The following PACRG variants were observed in gnomAD, a reference collection of about 807,000 sequenced individuals.
PACRG encodes the protein parkin coregulated, also known as parkin coregulated gene protein.
In PACRG, 29 loss-of-function variants were observed where a neutral mutation model predicts 29.7. The observed-to-expected ratio is 0.98, with a 90% CI of 0.73 to 1.33. The LOEUF (loss-of-function observed/expected upper bound fraction) is 1.33. Ranked by LOEUF, PACRG falls within the 40% of genes most tolerant of loss-of-function variation. PACRG has a pLI of 0.00. For synonymous variants in PACRG, 116 were observed against 118.7 expected (o/e 0.98, Z 0.15); for missense variants, 279 against 316.2 (o/e 0.88, Z 0.89).
chr6:163,203,228 C>T (rs573105668), intron 4 of PACRG, among the ~76,000 whole-genome samples: 17 of 152,186 alleles, frequency 1.1e-4, no homozygotes, highest in African/African-American at 3.6e-4. Flanking sequence ...GCCTGGCCAA[C>T]GTGGTGAAAC....
intron 2 of PACRG, among the ~76,000 whole-genome samples, chr6:162,908,556 C>A (rs1796088955): frequency 1.3e-5 from 2 of 152,244 alleles, no homozygotes; most frequent in Admixed American, 1.3e-4. Context: ...CCACATTCTA[C>A]AACCTCAGTA....
At chr6:162,997,231 G>A (rs1428159865) in intron 2 of PACRG, among the ~76,000 whole-genome samples, 2 of 151,980 alleles carry the variant, frequency 1.3e-5, no homozygotes, top group Non-Finnish European at 2.9e-5. Flanking sequence ...TCTACATAAG[G>A]CAAAAACCCT....
chr6:162,852,025 A>AAGGG (rs200176503), intron 2 of PACRG, among the ~76,000 whole-genome samples: 14,488 of 135,150 alleles, frequency 0.11, 920 homozygotes, highest in Middle Eastern at 0.17. Flanking sequence ...GGAAGGAAGG[A>AAGGG]AGGAAGGAAG....
intron 2 of PACRG, among the ~76,000 whole-genome samples, chr6:162,844,455 C>T (rs879224141): frequency 5.3e-5 from 8 of 152,222 alleles, no homozygotes; most frequent in South Asian, 2.1e-4. Flanking sequence ...TGCTTCGGCT[C>T]GCGCATGGTG....
intron 2 of PACRG, among the ~76,000 whole-genome samples, chr6:162,865,457 A>G (rs1316681480): frequency 6.6e-6 from 1 of 152,130 alleles, no homozygotes; most frequent in Non-Finnish European, 1.5e-5. Flanking sequence ...ACATTGAAAC[A>G]TGATTCTTTT....
chr6:163,107,910 T>C (rs1815473957), intron 4 of PACRG, among the ~76,000 whole-genome samples: 2 of 152,240 alleles, frequency 1.3e-5, no homozygotes, highest in Admixed American at 6.5e-5. Context: ...GGTTGTTTCT[T>C]CTTATGCAAG....
chr6:163,096,266 G>A (rs548865933), intron 4 of PACRG, among the ~76,000 whole-genome samples: 54 of 152,238 alleles, frequency 3.5e-4, no homozygotes, highest in East Asian at 2.9e-3. Context: ...GGGTGCTGCC[G>A]CACCAGCCCA....
At chr6:163,140,037 C>A (rs892481753) in intron 4 of PACRG, among the ~76,000 whole-genome samples, 2 of 152,172 alleles carry the variant, frequency 1.3e-5, no homozygotes, top group Admixed American at 1.3e-4. Flanking sequence ...CCCCAGTCAA[C>A]CCAGCCCAGG....
At chr6:163,201,355 C>A (rs569661104) in intron 4 of PACRG, among the ~76,000 whole-genome samples, 2 of 152,282 alleles carry the variant, frequency 1.3e-5, no homozygotes, top group African/African-American at 4.8e-5. Flanking sequence ...TTTTCGTAAT[C>A]CTGCTGTCTT....
intron 4 of PACRG, among the ~76,000 whole-genome samples, chr6:163,234,670 C>G (rs1198700166): frequency 3.3e-5 from 5 of 152,124 alleles, no homozygotes; most frequent in African/African-American, 1.2e-4. Flanking sequence ...AGGTCAAAAA[C>G]CACAGGAGTT....
intron 2 of PACRG, among the ~76,000 whole-genome samples, chr6:162,902,446 G>A (rs1414694443): frequency 5.3e-5 from 8 of 152,138 alleles, no homozygotes; most frequent in Non-Finnish European, 1.0e-4. Flanking sequence ...TACACACAGT[G>A]CATAACATTC....
chr6:163,297,538 C>G (rs1452661090), intron 4 of PACRG, among the ~76,000 whole-genome samples: 2 of 152,054 alleles, frequency 1.3e-5, no homozygotes, highest in Non-Finnish European at 2.9e-5. Context: ...CTTGGGCTTC[C>G]TAGAGCTCAA....
At chr6:162,844,404 C>T (rs893470838) in intron 2 of PACRG, among the ~76,000 whole-genome samples, 4 of 152,228 alleles carry the variant, frequency 2.6e-5, no homozygotes, top group African/African-American at 9.6e-5. Context: ...AGGGGAACTC[C>T]CTGACCCCTT....
At chr6:163,291,464 C>T (rs1207587515) in intron 4 of PACRG, among the ~76,000 whole-genome samples, 3 of 152,254 alleles carry the variant, frequency 2.0e-5, no homozygotes, top group African/African-American at 4.8e-5. Flanking sequence ...CCCGCCCGAG[C>T]TGGCCTGCGG....
chr6:163,094,617 C>T (rs1814406524), intron 4 of PACRG, among the ~76,000 whole-genome samples: 1 of 152,160 alleles, frequency 6.6e-6, no homozygotes, highest in Admixed American at 6.5e-5. Flanking sequence ...GTTGGTCTTT[C>T]CTTTTCTTAT....
At chr6:163,261,167 C>CG (rs1783311317) in intron 4 of PACRG, among the ~76,000 whole-genome samples, 1 of 152,124 alleles carries the variant, frequency 6.6e-6, no homozygotes, top group African/African-American at 2.4e-5. Flanking sequence ...TTCCTGAGCC[C>CG]GGAGCTGATC....
At chr6:162,836,384 A>G (rs1789224100) in intron 2 of PACRG, among the ~76,000 whole-genome samples, 1 of 152,136 alleles carries the variant, frequency 6.6e-6, no homozygotes, top group East Asian at 1.9e-4. Flanking sequence ...CATTCTCCTC[A>G]ATATCCATAA....
intron 4 of PACRG, among the ~76,000 whole-genome samples, chr6:163,204,374 G>A (rs1397955509): frequency 3.9e-5 from 6 of 152,102 alleles, no homozygotes; most frequent in African/African-American, 1.2e-4. Context: ...TAGATTATAT[G>A]TGCCAATACA....
At chr6:162,871,933 AAAAAC>A (rs1211670491) in intron 2 of PACRG, among the ~76,000 whole-genome samples, 3 of 152,186 alleles carry the variant, frequency 2.0e-5, no homozygotes, top group Admixed American at 6.5e-5. Context: ...AAACAAAAAC[AAAAAC>A]AAAACAAAAC....
Sources: gnomAD v4.1 joint callset for allele counts (sites outside exome capture counted in the v4.1 genomes callset) on GRCh38, gnomAD v4.1.1 for gene constraint, MANE v1.5 for transcripts, NCBI Gene and HGNC (gene_info 2026-07-23, HGNC 2026-07-21) for gene names.